Variants in HLTF observed in about 807,000 individuals in gnomAD.
HLTF encodes DNA-dependent ATPase/E3 ubiquitin-protein ligase HLTF.
Under a neutral mutation model 129.4 loss-of-function variants are expected in HLTF, and 127 were observed. The ratio of observed to expected loss-of-function variants is 0.98; its 90% confidence interval spans 0.85 to 1.14. The LOEUF is 1.14. Ranked by LOEUF, HLTF falls within the 50% of genes most tolerant of loss-of-function variation. HLTF has a pLI of 0.00. For synonymous variants in HLTF, 332 were observed against 388.8 expected, an observed-to-expected ratio of 0.85 and a Z score of 1.72; for missense variants, 1,139 against 1,187.1, an observed-to-expected ratio of 0.96 and a Z score of 0.60.
intron 2 of HLTF, among the ~76,000 whole-genome samples, chr3:149,077,439 G>A (rs1475830580): frequency 1.3e-5 from 2 of 152,000 alleles, no homozygotes; most frequent in African/African-American, 2.4e-5. Flanking sequence ...AAGGCTGACT[G>A]TATTTAACCT....
intron 14 of HLTF, among the ~76,000 whole-genome samples, chr3:149,052,889 G>A (rs917352870): frequency 6.6e-5 from 10 of 152,276 alleles, no homozygotes; most frequent in African/African-American, 2.4e-4. Context: ...GGAGAATAAA[G>A]GGAGAGAACT....
chr3:149,057,470 C>A (rs1717569111), intron 13 of HLTF, among the ~76,000 whole-genome samples: 1 of 152,090 alleles, frequency 6.6e-6, no homozygotes, highest in African/African-American at 2.4e-5. Context: ...CTGCTGATTG[C>A]AAAACTCATG....
chr3:149,056,825 A>C (rs1397161487), intron 13 of HLTF, among the ~76,000 whole-genome samples: 1 of 152,082 alleles, frequency 6.6e-6, no homozygotes, highest in African/African-American at 2.4e-5. Flanking sequence ...AAAATACAGA[A>C]TGGGCCGGGC....
intron 10 of HLTF, among the ~76,000 whole-genome samples, chr3:149,061,703 G>C (rs1257823307): frequency 6.6e-6 from 1 of 151,838 alleles, no homozygotes; most frequent in East Asian, 1.9e-4. Context: ...AGGTGTGGTG[G>C]TGCGTGCCTG....
intron 13 of HLTF, chr3:149,059,387 A>T: frequency 2.3e-6 from 1 of 428,042 alleles, no homozygotes. Flanking sequence ...AAAAAATTAA[A>T]CCTTTAACTT....
chr3:149,055,488 A>G, intron 13 of HLTF, 88 bp from the exon 14 acceptor site: 1 of 833,968 alleles, frequency 1.2e-6, no homozygotes, highest in Non-Finnish European at 2.0e-6. Flanking sequence ...TGCCTCCATG[A>G]AAAGATAAAT....
At chr3:149,061,109 G>T (rs1348161460) in intron 10 of HLTF, among the ~76,000 whole-genome samples, 1 of 151,990 alleles carries the variant, frequency 6.6e-6, no homozygotes, top group Non-Finnish European at 1.5e-5. Context: ...TCACTCTTTT[G>T]CCCAGGATGG....
chr3:149,034,549 A>G (rs2107944115), intron 24 of HLTF, among the ~76,000 whole-genome samples: 1 of 152,336 alleles, frequency 6.6e-6, no homozygotes, highest in East Asian at 1.9e-4. Context: ...TAATGCATCT[A>G]AACTGTATAC....
At chr3:149,080,398 AACCT>A (rs199927201) in intron 2 of HLTF, among the ~76,000 whole-genome samples, 2,738 of 121,914 alleles carry the variant, frequency 0.022, 89 homozygotes, top group African/African-American at 0.1. Flanking sequence ...AGCTGCTTCA[AACCT>A]CTCCCAGCAT....
At chr3:149,080,679 T>A (rs1468032274) in intron 2 of HLTF, among the ~76,000 whole-genome samples, 1 of 152,212 alleles carries the variant, frequency 6.6e-6, no homozygotes, top group Admixed American at 6.5e-5. Flanking sequence ...TTTATCATAA[T>A]AAGCTATCAT....
chr3:149,084,356 A>G lies in HLTF; in HGVS notation c.228+326T>C, dbSNP rs80255020. Among the ~76,000 whole-genome samples the G allele has an allele frequency of 8.0e-3, 1,219 of 151,702 alleles. 24 individuals carry two copies. Among genetic ancestry groups the G allele is most frequent in the African/African-American group, 0.027 (1,125 of 41,294 alleles). On this transcript the variant is annotated intron_variant, in intron 2 of 24. Coordinates refer to ENST00000310053, the MANE Select transcript of HLTF (RefSeq NM_003071.4). ...ACATACGGAGAAATGAAAGAATAAA[A>G]TCCAGAAGATTCCACAAAACGATCT... is the stretch of plus-strand genomic sequence containing the variant.
At chr3:149,067,416 C>A (rs1450819570) in intron 8 of HLTF, among the ~76,000 whole-genome samples, 1 of 152,090 alleles carries the variant, frequency 6.6e-6, no homozygotes, top group East Asian at 1.9e-4. Context: ...AAAAATAATA[C>A]TTAATGGTTA....
chr3:149,063,850 A>T (rs1718147519), intron 9 of HLTF, among the ~76,000 whole-genome samples: 1 of 152,150 alleles, frequency 6.6e-6, no homozygotes, highest in Non-Finnish European at 1.5e-5. Context: ...GTGCTGTTAT[A>T]AATTTACATG....
In HLTF at chr3:149,048,853, C is replaced by T. The variant is rs1440010639; in HGVS notation, c.1756+10G>A. ...ATTTAAGGTTTTAGTAAGTTTAATG[C>T]TATGATTACCTGTCAAAACCCATCT... is the stretch of plus-strand genomic sequence containing the variant. On this transcript the variant is annotated intron_variant, in intron 16 of 24. Transcript: ENST00000310053. 1.4e-5 allele frequency: 23 copies of T among 1,605,936 alleles called. No homozygotes were observed. The highest frequency in any genetic ancestry group is 2.0e-5 in the Non-Finnish European group (23 of 1,173,166).
Position 149,059,715 on chromosome 3 carries a change from GA to G in HLTF, c.1375+2del, listed in dbSNP as rs1409206842. 1 of 1,545,522 alleles carries G rather than the reference GA, an allele frequency of 6.5e-7. No homozygotes were observed. Among genetic ancestry groups the G allele is most frequent in the South Asian group, 1.2e-5 (1 of 83,440 alleles). On this transcript the variant is annotated splice_donor_variant, in intron 13 of 24. Transcript: ENST00000310053. LOFTEE classifies it high-confidence loss of function. ...AAACTAGAAAACAAGGATATTTACTGACCCTTTTTCAACATTTTCTTTTTTG... is the reference window on the plus strand; with the variant it reads ...AAACTAGAAAACAAGGATATTTACTGCCCTTTTTCAACATTTTCTTTTTTG...
intron 17 of HLTF, among the ~76,000 whole-genome samples, 171 bp downstream of exon 17, chr3:149,047,857 G>A (rs901763441): frequency 1.3e-5 from 2 of 152,036 alleles, no homozygotes; most frequent in Non-Finnish European, 2.9e-5. Flanking sequence ...AGAAATCTTT[G>A]TCTTTCCAAA....
intron 18 of HLTF, 118 bp from the exon 19 acceptor site, chr3:149,042,408 G>T: frequency 1.2e-6 from 1 of 828,234 alleles, no homozygotes; most frequent in Non-Finnish European, 1.8e-6. Context: ...TCCAAAACAA[G>T]AATGAAAAGC....
chr3:149,071,758 T>C (rs1473826391), intron 5 of HLTF, 101 bp from the exon 6 acceptor site: 21 of 782,536 alleles, frequency 2.7e-5, no homozygotes, highest in Non-Finnish European at 4.4e-5. Flanking sequence ...GGCGTTAATG[T>C]CAAACGGGCC....
In HLTF at chr3:149,071,330, A is replaced by G; in HGVS notation, c.816T>C (p.Tyr272=). 6.2e-7 allele frequency: 1 copy of G among 1,612,550 alleles called. No homozygotes were observed. Among genetic ancestry groups the G allele is most frequent in the Non-Finnish European group, 8.5e-7 (1 of 1,178,732 alleles). ...TCTCAGAAAAATTTGTTATTGTGTT[A>G]TAGTATAAGTCATTTCGCTGTTCCC... ...PFWEQRNDLY[Y]NTITNFSEKD... The change falls in exon 7 of 25, where the codon TAT becomes TAC. Residue 272 remains tyrosine, a synonymous_variant. Transcript: ENST00000310053.
Sources: gnomAD v4.1 joint callset for allele counts (sites outside exome capture counted in the v4.1 genomes callset) on GRCh38, gnomAD v4.1.1 for gene constraint, MANE v1.5 for transcripts, NCBI Gene and HGNC (gene_info 2026-07-23, HGNC 2026-07-21) for gene names.